Variants in SHANK1 observed in about 807,000 individuals in gnomAD.
SHANK1 encodes the protein SH3 and multiple ankyrin repeat domains protein 1.
Under a neutral mutation model 165.6 loss-of-function variants are expected in SHANK1, and 35 were observed. The observed-to-expected ratio is 0.21, with a 90% CI of 0.16 to 0.28. SHANK1 has a LOEUF of 0.28. Ranked by LOEUF, SHANK1 falls within the 10% of genes least tolerant of loss-of-function variation. SHANK1 has a pLI of 1.00. For missense variants in SHANK1, 2,681 were observed against 3,036.4 expected (o/e 0.88, Z 2.75); for synonymous variants, 1,428 against 1,384.8 (o/e 1.03, Z -0.69).
In SHANK1 at chr19:50,666,631, G is replaced by C. The variant is rs1463400547; in HGVS notation, c.5329C>G (p.Arg1777Gly). Reference sequence around the variant, plus strand: ...GGGCTGGTGGGGGTAACAGGGTCTCGGAGTCCCCCGCTGGGGCCAGGCCGC... The same window carrying C: ...GGGCTGGTGGGGGTAACAGGGTCTCCGAGTCCCCCGCTGGGGCCAGGCCGC... Reference protein sequence around the residue: ...GLRPGPSGGLRDPVTPTSPTV... With the variant: ...GLRPGPSGGLGDPVTPTSPTV... Residue 1777 changes from arginine (R) to glycine (G), a missense_variant, in exon 23 of 24, where the codon CGA becomes GGA. Arg to Gly is a moderately radical substitution (Grantham distance 125, BLOSUM62 -2). Around this residue, in one of 10 missense-constraint regions of SHANK1, gnomAD observed 1,713 missense variants for 1,630.2 expected, o/e 1.05. Transcript: ENST00000293441. The C allele has an allele frequency of 1.9e-6, 3 of 1,597,236 alleles. No individual in the cohort carries two copies. The highest frequency in any genetic ancestry group is 1.7e-6 in the Non-Finnish European group (2 of 1,174,890).
Position 50,668,860 on chromosome 19 carries a change from C to T in SHANK1, c.3100G>A (p.Asp1034Asn). The stretch of plus-strand genomic sequence containing the variant: ...CCCAGAGCCAGGCGGGGTGGAGGGT[C>T]GTCGGGAGAGCCGCCTGTCTCCATC... Reference protein sequence around the residue: ...PEMETGGSPDDPPPRLALGPQ... With the variant: ...PEMETGGSPDNPPPRLALGPQ... The change falls in exon 23 of 24, where the codon GAC becomes AAC. Residue 1034 changes from aspartate (D) to asparagine (N), a missense_variant. By Grantham distance (23) the Asp-to-Asn change is conservative (BLOSUM62 1). Transcript: ENST00000293441. 1 of 1,284,204 alleles carries T rather than the reference C, an allele frequency of 7.8e-7. No individual in the cohort carries two copies. The highest frequency in any genetic ancestry group is 9.8e-7 in the Non-Finnish European group (1 of 1,022,746). 79.6% of individuals were successfully genotyped at this position (1,284,204 alleles called of 1,614,324 possible).
intron 21 of SHANK1, among the ~76,000 whole-genome samples, chr19:50,679,903 G>A (rs376955504): frequency 3.9e-5 from 6 of 152,106 alleles, no homozygotes; most frequent in African/African-American, 1.4e-4. Context: ...GACAGAGATG[G>A]AGAGACAGAG....
At position 50,666,484 on chromosome 19, in the gene SHANK1, G is replaced by A; in HGVS notation, c.5476C>T (p.Pro1826Ser). The stretch of plus-strand genomic sequence containing the variant: ...GGCAGAGAGGAGGCCGTCGGCAAGG[G>A]CACCGGTGGGACTTCTGGCTCTACA... Reference protein sequence around the residue: ...VAVEPEVPPVPLPTASSLPRK... With the variant: ...VAVEPEVPPVSLPTASSLPRK... Residue 1826 changes from proline (P) to serine (S), a missense_variant, in exon 23 of 24, where the codon CCC becomes TCC. Pro to Ser is a moderately conservative substitution (Grantham distance 74). Transcript: ENST00000293441. 2 of 1,597,692 alleles carry A rather than the reference G, an allele frequency of 1.3e-6. No individual in the cohort carries two copies. Among genetic ancestry groups the A allele is most frequent in the Non-Finnish European group, 8.5e-7 (1 of 1,174,546 alleles).
In SHANK1 at chr19:50,688,380, C is replaced by T. The variant is rs1173166485; in HGVS notation, c.2173-322G>A. Among the ~76,000 whole-genome samples, 1 of 152,026 alleles carries T rather than the reference C, an allele frequency of 6.6e-6. No individual in the cohort carries two copies. Among genetic ancestry groups the T allele is most frequent in the Non-Finnish European group, 1.5e-5 (1 of 67,994 alleles). On this transcript the variant is annotated intron_variant, in intron 17 of 23. Transcript: ENST00000293441. The surrounding 1 kb of genome is among the most constrained non-coding windows in gnomAD (Gnocchi z 6.7). ...GTCACCCAGGTTGGGGTGCAGTGGC[C>T]CAATCATGGCTCACTGCACCCTCGA...
chr19:50,695,850 C>T (rs1986721848), intron 15 of SHANK1, among the ~76,000 whole-genome samples: 1 of 152,086 alleles, frequency 6.6e-6, no homozygotes, highest in Non-Finnish European at 1.5e-5. Flanking sequence ...CACAGCTCCC[C>T]GAGAGAGCGT....
rs1381059662 is a variant in SHANK1, at chr19:50,697,438, G to A, written c.1937+151C>T. 5.0e-6 allele frequency: 4 copies of A among 794,750 alleles called. No homozygotes were observed. The Admixed American group carries it at 5.5e-5, about 11-fold the overall frequency. The allele number at this position is 794,750 out of a possible 1,614,324, so 49.2% of individuals were successfully genotyped here. On this transcript the variant is annotated intron_variant, in intron 14 of 23. Coordinates refer to ENST00000293441, the MANE Select transcript of SHANK1 (RefSeq NM_016148.5). The surrounding 1 kb of genome is among the most constrained non-coding windows in gnomAD (Gnocchi z 4.7). ...GGTTTGGGGTTGGGCTGTACTGTCTGAAGCTAATTCTGGCTTATCCCACCC... is the reference window on the plus strand; with the variant it reads ...GGTTTGGGGTTGGGCTGTACTGTCTAAAGCTAATTCTGGCTTATCCCACCC...
rs927515216 is a variant in SHANK1 at position 50,665,430 on chromosome 19, G to A, written c.5768+762C>T. Reference sequence around the variant, plus strand: ...AAAAATACAAAAATTTGCCGGGCATGGTGGCGGGCACCTGTAATCGCAGCT... The same window carrying A: ...AAAAATACAAAAATTTGCCGGGCATAGTGGCGGGCACCTGTAATCGCAGCT... On this transcript the variant is annotated intron_variant, in intron 23 of 23. Coordinates refer to ENST00000293441, the MANE Select transcript of SHANK1 (RefSeq NM_016148.5). Among the ~76,000 whole-genome samples the A allele has an allele frequency of 5.3e-5, 8 of 151,894 alleles. No homozygotes were observed. In the South Asian group the frequency reaches 1.7e-3, roughly 32 times the overall value.
rs200050673 is a variant in SHANK1 at position 50,662,509 on chromosome 19, C to A, written c.5942G>T (p.Arg1981Leu). Residue 1981 changes from arginine to leucine, a missense_variant, in exon 24 of 24, where the codon CGC (arginine) becomes CTC (leucine). Around this residue, in one of 10 missense-constraint regions of SHANK1, gnomAD observed 1,713 missense variants for 1,630.2 expected, o/e 1.05. Transcript: ENST00000293441. The surrounding 1 kb of genome is among the most constrained non-coding windows in gnomAD (Gnocchi z 7.7). ...CTCGAACTCCACGCCCTGGAGGTGG[C>A]GGGTGGACGTGGAGGAGGAGGAGGC... The part of the protein sequence containing the change: ...PSASSSSTST[R>L]HLQGVEFEMR... The A allele has an allele frequency of 1.9e-6, 3 of 1,558,116 alleles. No homozygotes were observed. The highest frequency in any genetic ancestry group is 1.2e-5 in the South Asian group (1 of 84,468).
intron 18 of SHANK1, 121 bp from the exon 19 acceptor site, chr19:50,687,783 C>T: frequency 7.3e-7 from 1 of 1,372,826 alleles, no homozygotes. Flanking sequence ...GCCCTCCCTG[C>T]CTCAGTTTCT....
In SHANK1 at chr19:50,669,272, A is replaced by T; in HGVS notation, c.2688T>A (p.Asp896Glu). The stretch of plus-strand genomic sequence containing the variant: ...CTGGGGGTGCTAGGTAAGGTCTGTC[A>T]TCTTCTGCCGCACCTGGGGAGATAC... ...LRQKSIGAAE[D>E]DRPYLAPPAM... The change falls in exon 23 of 24, where the codon GAT (aspartate) becomes GAA (glutamate). Residue 896 changes from aspartate to glutamate, a missense_variant. Coordinates refer to ENST00000293441, the MANE Select transcript of SHANK1 (RefSeq NM_016148.5). The T allele has an allele frequency of 6.2e-7, 1 of 1,608,866 alleles. No individual in the cohort carries two copies. The highest frequency in any genetic ancestry group is 8.5e-7 in the Non-Finnish European group (1 of 1,177,938).
intron 21 of SHANK1, among the ~76,000 whole-genome samples, chr19:50,679,175 TGGG>T (rs1192585662): frequency 1.6e-5 from 1 of 60,670 alleles, no homozygotes; most frequent in East Asian, 5.0e-4. Flanking sequence ...GTGAGGGTGA[TGGG>T]GGGGTGTCAG....
In SHANK1 at chr19:50,716,825, C is replaced by T. The variant is rs2089075812; in HGVS notation, c.95G>A (p.Gly32Glu). ...GGTCCCCCGGGGGCCTCGACCTGGCCCGTCTGGGGAGCTGTCGGACTCTGA... is the reference window on the plus strand; with the variant it reads ...GGTCCCCCGGGGGCCTCGACCTGGCTCGTCTGGGGAGCTGTCGGACTCTGA... The part of the protein sequence containing the change: ...GGSESDSSPD[G>E]PGRGPRGTRG... The change falls in exon 2 of 24, where the codon GGG (glycine) becomes GAG (glutamate). Residue 32 changes from glycine to glutamate, a missense_variant. By Grantham distance (98) the Gly-to-Glu change is moderately conservative. Around this residue, in one of 10 missense-constraint regions of SHANK1, gnomAD observed 118 missense variants for 106.9 expected, o/e 1.10. Transcript: ENST00000293441. This position sits in a 1 kb window ranked among gnomAD's most constrained non-coding sequence, Gnocchi z 8.4. 2 of 1,570,906 alleles carry T rather than the reference C, an allele frequency of 1.3e-6. No individual in the cohort carries two copies. Among genetic ancestry groups the T allele is most frequent in the African/African-American group, 1.4e-5 (1 of 72,566 alleles).
rs1028038663 is a variant in SHANK1 at position 50,667,023 on chromosome 19, T to G, written c.4937A>C (p.His1646Pro). Residue 1646 changes from histidine to proline, a missense_variant, in exon 23 of 24, where the codon CAT becomes CCT. By Grantham distance (77) the His-to-Pro change is moderately conservative. Coordinates refer to ENST00000293441, the MANE Select transcript of SHANK1 (RefSeq NM_016148.5). The surrounding 1 kb of genome is among the most constrained non-coding windows in gnomAD (Gnocchi z 5.7). Reference sequence around the variant, plus strand: ...TGCTGGGGCAGGCGGGCCTGGTGGATGGGGGTCCCCAGGAGCGGCGGAGGC... The same window carrying G: ...TGCTGGGGCAGGCGGGCCTGGTGGAGGGGGGTCCCCAGGAGCGGCGGAGGC... ...QGASAAPGDP[H>P]PPGPPAPAAP... is the part of the protein sequence containing the mutation. 7 of 1,553,424 alleles carry G rather than the reference T, an allele frequency of 4.5e-6. No individual in the cohort carries two copies. The highest frequency in any genetic ancestry group is 6.1e-6 in the Non-Finnish European group (7 of 1,152,848).
chr19:50,683,381 A>ATCAAT (rs1233155833), intron 21 of SHANK1, among the ~76,000 whole-genome samples: 1 of 152,118 alleles, frequency 6.6e-6, no homozygotes, highest in Non-Finnish European at 1.5e-5. Context: ...CCCTCAACCA[A>ATCAAT]TCAATACATA....
chr19:50,695,108 C>T (rs1986690837), intron 15 of SHANK1, among the ~76,000 whole-genome samples: 1 of 146,406 alleles, frequency 6.8e-6, no homozygotes, highest in African/African-American at 2.5e-5. Flanking sequence ...GCCGCCGCCG[C>T]GTCCCCGTAC....
In SHANK1 at chr19:50,714,302, G is replaced by T; in HGVS notation, c.532-12C>A. 6.2e-7 allele frequency: 1 copy of T among 1,611,622 alleles called. No individual in the cohort carries two copies. Among genetic ancestry groups the T allele is most frequent in the Non-Finnish European group, 8.5e-7 (1 of 1,177,968 alleles). ...TTCTTCAACCCCGTCTGAGCCATGG[G>T]CAAAGAGAGAGAAGACAGGACAGTC... On this transcript the variant is annotated splice_polypyrimidine_tract_variant and intron_variant, in intron 4 of 23. Coordinates refer to ENST00000293441, the MANE Select transcript of SHANK1 (RefSeq NM_016148.5).
chr19:50,710,209 A>G (rs1264055132), intron 8 of SHANK1, among the ~76,000 whole-genome samples: 2 of 152,136 alleles, frequency 1.3e-5, no homozygotes, highest in Non-Finnish European at 2.9e-5. Flanking sequence ...TGGGGAGAGA[A>G]GTGCCGGCAC....
intron 11 of SHANK1, 32 bp downstream of exon 11, chr19:50,703,468 G>A: frequency 1.3e-6 from 2 of 1,512,886 alleles, no homozygotes; most frequent in Non-Finnish European, 1.8e-6. Flanking sequence ...TGACGGGGCT[G>A]GGGACTGTGG....
chr19:50,715,381 C>T (rs1376406698), intron 4 of SHANK1, among the ~76,000 whole-genome samples: 2 of 151,502 alleles, frequency 1.3e-5, no homozygotes, highest in African/African-American at 2.4e-5. Context: ...AGAAGGGAGA[C>T]TCAAAGGAGG....
Sources: gnomAD v4.1 joint callset for allele counts (sites outside exome capture counted in the v4.1 genomes callset) on GRCh38, gnomAD v4.1.1 for gene constraint, gnomAD v4.1.1 regional missense constraint, Gnocchi (gnomAD v3.1) non-coding constraint, MANE v1.5 for transcripts, NCBI Gene and HGNC (gene_info 2026-07-23, HGNC 2026-07-21) for gene names.